The following RHAG variants were observed in gnomAD, a reference collection of about 807,000 sequenced individuals.
RHAG encodes the protein Rh associated glycoprotein.
Under a neutral mutation model 42.4 loss-of-function variants are expected in RHAG, and 25 were observed. The ratio of observed to expected loss-of-function variants is 0.59; its 90% CI spans 0.43 to 0.82. RHAG has a LOEUF of 0.82. RHAG is among the 40% of genes least tolerant of loss of function. The probability of loss-of-function intolerance (pLI) is 0.00; values close to 1 mark genes in which losing one functional copy is unlikely to be tolerated. For synonymous variants in RHAG, 182 were observed against 177.7 expected (o/e 1.02, Z -0.19); for missense variants, 483 against 504.6 (o/e 0.96, Z 0.41).
chr6:49,611,408 T>A (rs1268286), intron 6 of RHAG, among the ~76,000 whole-genome samples: 3,772 of 152,238 alleles, frequency 0.025, 162 homozygotes, highest in African/African-American at 0.086. Flanking sequence ...TAGCTAAAAA[T>A]CTCCTCATTT....
chr6:49,619,480 A>G (rs1258543872), intron 1 of RHAG, 118 bp from the exon 2 acceptor site: 3 of 974,052 alleles, frequency 3.1e-6, no homozygotes, highest in South Asian at 1.4e-5. Flanking sequence ...AGGAAAAGAG[A>G]GCATTTAACT....
At chr6:49,632,418 C>T (rs1056908797) in intron 1 of RHAG, among the ~76,000 whole-genome samples, 4 of 152,134 alleles carry the variant, frequency 2.6e-5, no homozygotes, top group African/African-American at 2.4e-5. Flanking sequence ...ATGATATATT[C>T]TCAGTTTTTA....
In RHAG at chr6:49,614,736, G is replaced by GT; in HGVS notation, c.757dup (p.Thr253AsnfsTer69). Reference sequence around the variant, plus strand: ...CACTAGGCTGGAGAAGGCAAAGGCTGTGAGCACACAGGCAGCGAGAGAGAA... The same window carrying GT: ...CACTAGGCTGGAGAAGGCAAAGGCTGTTGAGCACACAGGCAGCGAGAGAGAA... On this transcript the variant is annotated frameshift_variant, in exon 5 of 10. Coordinates refer to ENST00000371175, the MANE Select transcript of RHAG (RefSeq NM_000324.3). LOFTEE classifies it high-confidence loss of function. The GT allele has an allele frequency of 6.2e-7, 1 of 1,614,098 alleles. No homozygotes were observed.
chr6:49,623,359 A>G (rs1361640127), intron 1 of RHAG, among the ~76,000 whole-genome samples: 1 of 152,148 alleles, frequency 6.6e-6, no homozygotes, highest in Non-Finnish European at 1.5e-5. Flanking sequence ...AACAACTAGG[A>G]TTATTGCATT....
At chr6:49,619,089 C>G (rs556159035) in intron 2 of RHAG, 90 bp downstream of exon 2, 11 of 1,422,806 alleles carry the variant, frequency 7.7e-6, no homozygotes, top group South Asian at 3.5e-5. Context: ...CCCAGTCCCC[C>G]ACCTCTTAAT....
At chr6:49,629,907 C>T (rs1344740059) in intron 1 of RHAG, among the ~76,000 whole-genome samples, 1 of 152,198 alleles carries the variant, frequency 6.6e-6, no homozygotes, top group South Asian at 2.1e-4. Flanking sequence ...CGCACGCAGC[C>T]CCGGTTCCCG....
chr6:49,614,599 G>A lies in RHAG; in HGVS notation c.807+88C>T, dbSNP rs183949384. On this transcript the variant is annotated intron_variant, in intron 5 of 9. Coordinates refer to ENST00000371175, the MANE Select transcript of RHAG (RefSeq NM_000324.3). ...GCTTCTGATTTGTCTTGAGAGTTCA[G>A]CAGTGATGCAGAAATTACCTACTAC... The A allele has an allele frequency of 1.4e-4, 151 of 1,058,030 alleles. No homozygotes were observed. In the African/African-American group the frequency reaches 2.0e-3, roughly 14 times the overall value. The allele number at this position is 1,058,030 out of a possible 1,614,324, so 65.5% of individuals were successfully genotyped here.
intron 1 of RHAG, among the ~76,000 whole-genome samples, chr6:49,624,835 T>C (rs1349234833): frequency 6.6e-6 from 1 of 152,224 alleles, no homozygotes; most frequent in African/African-American, 2.4e-5. Context: ...AGGATCAATC[T>C]TCAGGGAGAC....
At chr6:49,606,942 T>C in intron 8 of RHAG, 21 bp from the exon 9 acceptor site, 1 of 1,564,694 alleles carries the variant, frequency 6.4e-7, no homozygotes, top group Non-Finnish European at 8.8e-7. Flanking sequence ...AGAGGGAAAA[T>C]GAGTCATGTT....
At chr6:49,614,570 G>T in intron 5 of RHAG, 117 bp downstream of exon 5, 10 of 872,068 alleles carry the variant, frequency 1.1e-5, no homozygotes, top group Non-Finnish European at 2.0e-5. Context: ...ATTCTACAAG[G>T]TCTGCTTCTG....
At chr6:49,629,128 C>CA (rs1439066359) in intron 1 of RHAG, among the ~76,000 whole-genome samples, 2 of 152,148 alleles carry the variant, frequency 1.3e-5, no homozygotes, top group Admixed American at 1.3e-4. Flanking sequence ...AAAGGTTCTC[C>CA]AAGGCCCCAC....
intron 1 of RHAG, among the ~76,000 whole-genome samples, chr6:49,622,884 G>A (rs1390695464): frequency 2.1e-5 from 3 of 141,960 alleles, no homozygotes; most frequent in Non-Finnish European, 4.5e-5. Flanking sequence ...CGCCCAGGCC[G>A]GACTGCAGTG....
intron 1 of RHAG, among the ~76,000 whole-genome samples, chr6:49,630,321 T>C (rs1337564561): frequency 6.6e-6 from 1 of 152,180 alleles, no homozygotes; most frequent in African/African-American, 2.4e-5. Context: ...CAGGAGAAAG[T>C]GAATGCAAGT....
intron 6 of RHAG, among the ~76,000 whole-genome samples, chr6:49,611,546 C>G (rs577541439): frequency 6.6e-6 from 1 of 152,294 alleles, no homozygotes; most frequent in East Asian, 1.9e-4. Flanking sequence ...TACATCTCCC[C>G]ATTTCCTTCT....
At chr6:49,618,997 G>C (rs1762704704) in intron 2 of RHAG, among the ~76,000 whole-genome samples, 182 bp downstream of exon 2, 2 of 151,992 alleles carry the variant, frequency 1.3e-5, no homozygotes, top group Non-Finnish European at 2.9e-5. Context: ...CAGTGGAAGG[G>C]GTCAGGAGTC....
chr6:49,615,197 G>A (rs1183379331), intron 4 of RHAG: 2 of 293,012 alleles, frequency 6.8e-6, no homozygotes, highest in Non-Finnish European at 1.3e-5. Context: ...TGATCCACCC[G>A]CCTCGGCCTC....
chr6:49,628,153 CACACACACAG>C (rs1207227096), intron 1 of RHAG, among the ~76,000 whole-genome samples: 7 of 129,890 alleles, frequency 5.4e-5, no homozygotes, highest in East Asian at 2.6e-4. Flanking sequence ...CACACACACA[CACACACACAG>C]AGAGAGAGAG....
At position 49,605,696 on chromosome 6, in the gene RHAG, T is replaced by C; in HGVS notation, c.*117A>G. The C allele has an allele frequency of 1.0e-6, 1 of 973,816 alleles. No homozygotes were observed. The highest frequency in any genetic ancestry group is 1.3e-5 in the South Asian group (1 of 77,894). The allele number at this position is 973,816 out of a possible 1,614,324, so 60.3% of individuals were successfully genotyped here. ...CATACTCTCTTTGGTTACTCCCTTT[T>C]TGTTTATTTGGACTTGATTCTGGAT... is the stretch of plus-strand genomic sequence containing the variant. On this transcript the variant is annotated 3_prime_UTR_variant, in exon 10 of 10. Transcript: ENST00000371175.
intron 7 of RHAG, among the ~76,000 whole-genome samples, chr6:49,610,121 C>T (rs148195366): frequency 0.045 from 6,794 of 151,518 alleles, 199 homozygotes; most frequent in South Asian, 0.08. Flanking sequence ...CTAATGCACA[C>T]GGGGCTTAAA....
Sources: gnomAD v4.1 joint callset for allele counts (sites outside exome capture counted in the v4.1 genomes callset) on GRCh38, gnomAD v4.1.1 for gene constraint, MANE v1.5 for transcripts, NCBI Gene and HGNC (gene_info 2026-07-23, HGNC 2026-07-21) for gene names.